The following SAMD4A variants were observed in gnomAD, a reference collection of about 807,000 sequenced individuals.
SAMD4A encodes sterile alpha motif domain containing 4A, also known as protein Smaug homolog 1.
Under a neutral mutation model 81.3 loss-of-function variants are expected in SAMD4A, and 33 were observed. That is an observed-to-expected ratio of 0.41 (90% CI 0.31 to 0.54). The LOEUF is 0.54. Ranked by LOEUF, SAMD4A falls within the 20% of genes least tolerant of loss-of-function variation. The pLI, the probability that SAMD4A is intolerant of heterozygous loss-of-function variation, is 0.37. For missense variants in SAMD4A, 854 were observed against 951.1 expected (o/e 0.90, Z 1.34); for synonymous variants, 389 against 382.1 (o/e 1.02, Z -0.21).
At chr14:54,788,491 C>T (rs1262118867) in intron 12 of SAMD4A, among the ~76,000 whole-genome samples, 1 of 152,184 alleles carries the variant, frequency 6.6e-6, no homozygotes, top group South Asian at 2.1e-4. Context: ...CTCCTCCTGC[C>T]AGCACCAGCT....
chr14:54,702,620 C>T lies in SAMD4A; in HGVS notation c.715+40C>T, dbSNP rs142362374. The T allele has an allele frequency of 1.6e-4, 256 of 1,598,916 alleles. No homozygotes were observed. In the African/African-American group the frequency reaches 2.9e-3, roughly 18 times the overall value. On this transcript the variant is annotated intron_variant, in intron 3 of 12. Transcript: ENST00000554335. ...ATCCCTTTAACGTAGTCTGGTTTGGCGATTTGCTGTGTATGTGGCATGTCC... is the reference window on the plus strand; with the variant it reads ...ATCCCTTTAACGTAGTCTGGTTTGGTGATTTGCTGTGTATGTGGCATGTCC...
Position 54,792,150 on chromosome 14 carries a change from T to C in SAMD4A, c.*3206T>C, listed in dbSNP as rs185691510. ...ATGAAACATTGCTGCTGATATGTTG[T>C]TTTTTCACATGCTTTTGAGTTTTCA... On this transcript the variant is annotated 3_prime_UTR_variant, in exon 13 of 13. Transcript: ENST00000554335. 22 of 152,338 alleles carry C rather than the reference T, an allele frequency of 1.4e-4. No homozygotes were observed. The highest frequency in any genetic ancestry group is 2.5e-4 in the Non-Finnish European group (17 of 68,028). The allele number at this position is 152,338 out of a possible 1,614,324, so 9.4% of individuals were successfully genotyped here.
chr14:54,675,613 T>C (rs1262538509), intron 2 of SAMD4A, among the ~76,000 whole-genome samples: 2 of 152,226 alleles, frequency 1.3e-5, no homozygotes, highest in Non-Finnish European at 2.9e-5. Flanking sequence ...TGTGATTTAA[T>C]TGAAGTGATT....
intron 3 of SAMD4A, among the ~76,000 whole-genome samples, chr14:54,724,016 G>GGAAGGAAGAAGGAA (rs778898142): frequency 1.4e-5 from 2 of 145,648 alleles, no homozygotes; most frequent in East Asian, 2.1e-4. Context: ...ATGGAAGGAA[G>GGAAGGAAGAAGGAA]GAAGGAAGGA....
intron 2 of SAMD4A, among the ~76,000 whole-genome samples, chr14:54,698,965 T>G (rs1344095649): frequency 2.0e-5 from 3 of 151,918 alleles, no homozygotes; most frequent in Admixed American, 2.0e-4. Flanking sequence ...TGTGGAAGGG[T>G]AGAATGTCCA....
At chr14:54,608,975 ATG>A (rs1265249755) in intron 2 of SAMD4A, among the ~76,000 whole-genome samples, 1 of 152,212 alleles carries the variant, frequency 6.6e-6, no homozygotes, top group Non-Finnish European at 1.5e-5. Flanking sequence ...ACATGTCAGA[ATG>A]TTTTTTCTTG....
intron 2 of SAMD4A, among the ~76,000 whole-genome samples, chr14:54,672,028 T>C (rs200636846): frequency 6.6e-6 from 1 of 150,752 alleles, no homozygotes; most frequent in Non-Finnish European, 1.5e-5. Flanking sequence ...GTGTTTTTTT[T>C]TTTTTTTTTT....
At position 54,702,279 on chromosome 14, in the gene SAMD4A, A is replaced by G. The variant is rs1427493083; in HGVS notation, c.414A>G (p.Glu138=). The G allele has an allele frequency of 6.2e-7, 1 of 1,614,216 alleles. No homozygotes were observed. Among genetic ancestry groups the G allele is most frequent in the South Asian group, 1.1e-5 (1 of 91,078 alleles). Residue 138 remains glutamate, a synonymous_variant, in exon 3 of 13, where the codon GAA becomes GAG. Coordinates refer to ENST00000554335, the MANE Select transcript of SAMD4A (RefSeq NM_015589.6). ...YALIHPATSL[E]DRSALAMWLN... ...TGATACATCCAGCCACTTCGTTAGA[A>G]GACCGTAGTGCTTTAGCCATGTGGC...
rs1299138190 is a variant in SAMD4A at position 54,776,401 on chromosome 14, CTT to C, written c.1918-10_1918-9del. The C allele has an allele frequency of 1.3e-6, 2 of 1,585,194 alleles. No homozygotes were observed. The highest frequency in any genetic ancestry group is 1.7e-6 in the Non-Finnish European group (2 of 1,167,954). ...GCTGAACTAACAAGTTCCCCTTTTG[CTT>C]TTCTCACCAGAACCTGTGGTTTGCC... On this transcript the variant is annotated splice_polypyrimidine_tract_variant and intron_variant, in intron 10 of 12. Coordinates refer to ENST00000554335, the MANE Select transcript of SAMD4A (RefSeq NM_015589.6).
At chr14:54,655,470 G>A (rs2035498234) in intron 2 of SAMD4A, among the ~76,000 whole-genome samples, 1 of 152,086 alleles carries the variant, frequency 6.6e-6, no homozygotes, top group Non-Finnish European at 1.5e-5. Context: ...AGTGGCTCAC[G>A]CCTGTAATCC....
chr14:54,744,211 G>C (rs997861826), intron 4 of SAMD4A, among the ~76,000 whole-genome samples: 1 of 152,122 alleles, frequency 6.6e-6, no homozygotes, highest in South Asian at 2.1e-4. Flanking sequence ...TGCTGCATTC[G>C]ATATTGGGCT....
At chr14:54,770,263 C>T in intron 9 of SAMD4A, 41 bp downstream of exon 9, 1 of 1,384,648 alleles carries the variant, frequency 7.2e-7, no homozygotes, top group Non-Finnish European at 1.0e-6. Context: ...TAGTGGTTCC[C>T]CTGGCGCCTT....
Position 54,752,163 on chromosome 14 carries a change from AG to A in SAMD4A, c.1176+627del, listed in dbSNP as rs529863782. Among the ~76,000 whole-genome samples, 154 of 152,382 alleles carry A rather than the reference AG, an allele frequency of 1.0e-3. 1 individual carries two copies. The highest frequency in any genetic ancestry group is 3.5e-3 in the African/African-American group (146 of 41,596). On this transcript the variant is annotated intron_variant, in intron 6 of 12. Transcript: ENST00000554335. Reference sequence around the variant, plus strand: ...GAAAAAAGTTTATTCCAACGTTAAAAGCAGTGATCAGCTGCCTACTGTCCCA... The same window carrying A: ...GAAAAAAGTTTATTCCAACGTTAAAACAGTGATCAGCTGCCTACTGTCCCA...
In SAMD4A at chr14:54,760,461, C is replaced by A; in HGVS notation, c.1477C>A (p.Leu493Ile). The change falls in exon 7 of 13, where the codon CTC (leucine) becomes ATC (isoleucine). Residue 493 changes from leucine to isoleucine, a missense_variant. Physicochemically the swap from Leu to Ile is conservative, Grantham distance 5 (BLOSUM62 2). Around this residue, in one of 3 missense-constraint regions of SAMD4A, gnomAD observed 428 missense variants for 471.2 expected, o/e 0.91. Coordinates refer to ENST00000554335, the MANE Select transcript of SAMD4A (RefSeq NM_015589.6). ...CGTCGCCCCCCTGCCAGAGGGGGAC[C>A]TCCCCGGGCAGTTCACACGCGTCAT... ...LAVAPLPEGD[L>I]PGQFTRVMGK... The A allele has an allele frequency of 7.0e-7, 1 of 1,420,580 alleles. No individual in the cohort carries two copies. Among genetic ancestry groups the A allele is most frequent in the South Asian group, 1.6e-5 (1 of 64,476 alleles). The allele number at this position is 1,420,580 out of a possible 1,614,324, so 88.0% of individuals were successfully genotyped here.
intron 2 of SAMD4A, among the ~76,000 whole-genome samples, chr14:54,626,742 T>G (rs1231375982): frequency 1.3e-5 from 2 of 152,182 alleles, no homozygotes; most frequent in Non-Finnish European, 2.9e-5. Context: ...CAATTCTCTG[T>G]TCAACACATC....
intron 12 of SAMD4A, among the ~76,000 whole-genome samples, chr14:54,784,920 A>G (rs1594943930): frequency 6.6e-6 from 1 of 152,294 alleles, no homozygotes; most frequent in African/African-American, 2.4e-5. Context: ...CATGGGAATC[A>G]CACCACAGCA....
intron 4 of SAMD4A, 99 bp from the exon 5 acceptor site, chr14:54,748,716 C>A: frequency 1.3e-6 from 1 of 772,386 alleles, no homozygotes; most frequent in Non-Finnish European, 2.1e-6. Context: ...TTTCCTTTGA[C>A]CATCACCCTC....
intron 9 of SAMD4A, among the ~76,000 whole-genome samples, chr14:54,771,901 C>T (rs750525371): frequency 1.3e-5 from 2 of 152,200 alleles, no homozygotes; most frequent in Non-Finnish European, 2.9e-5. Flanking sequence ...GGACATGAAC[C>T]TTGACCTCTC....
chr14:54,710,300 T>C (rs1463435822), intron 3 of SAMD4A, among the ~76,000 whole-genome samples: 1 of 152,212 alleles, frequency 6.6e-6, no homozygotes, highest in African/African-American at 2.4e-5. Flanking sequence ...TTAACAATGA[T>C]AGCACACACC....
Sources: allele counts gnomAD v4.1 joint callset (sites outside exome capture counted in the v4.1 genomes callset), GRCh38; gene constraint gnomAD v4.1.1; regional missense constraint gnomAD v4.1.1; transcripts MANE v1.5; gene names NCBI Gene and HGNC (gene_info 2026-07-23, HGNC 2026-07-21).